ASAP1: variants seen among roughly 807,000 people sequenced by gnomAD.
The protein encoded by ASAP1 is ArfGAP with SH3 domain, ankyrin repeat and PH domain 1.
ASAP1 carries 43 observed loss-of-function variants against 145.2 expected under a neutral mutation model. The ratio of observed to expected loss-of-function variants is 0.30; its 90% CI spans 0.23 to 0.38. ASAP1 has a LOEUF of 0.38. Ranked by LOEUF, ASAP1 falls within the 10% of genes least tolerant of loss-of-function variation. ASAP1 has a pLI of 1.00. For missense variants in ASAP1, 1,018 were observed against 1,355.3 expected (o/e 0.75, Z 3.91); for synonymous variants, 546 against 515.5 (o/e 1.06, Z -0.80).
chr8:130,171,846 G>A (rs1041108638), intron 9 of ASAP1, among the ~76,000 whole-genome samples: 3 of 152,178 alleles, frequency 2.0e-5, no homozygotes, highest in African/African-American at 7.2e-5. Context: ...TCTACATCAA[G>A]GAAGGGATAT....
At chr8:130,329,974 G>A (rs750592277) in intron 3 of ASAP1, among the ~76,000 whole-genome samples, 1 of 152,188 alleles carries the variant, frequency 6.6e-6, no homozygotes, top group Admixed American at 6.5e-5. Flanking sequence ...ACAAAGGGAG[G>A]GATGTTTGAT....
At chr8:130,177,335 T>TA (rs1288460480) in intron 9 of ASAP1, among the ~76,000 whole-genome samples, 2 of 152,242 alleles carry the variant, frequency 1.3e-5, no homozygotes, top group African/African-American at 2.4e-5. Flanking sequence ...CTTATAAACT[T>TA]AGAGAATTTA....
chr8:130,342,145 T>C (rs1825425695), intron 3 of ASAP1, among the ~76,000 whole-genome samples: 1 of 152,038 alleles, frequency 6.6e-6, no homozygotes, highest in African/African-American at 2.4e-5. Context: ...AAAGAGAATG[T>C]CCTGAGACCC....
Position 130,079,567 on chromosome 8 carries a change from G to A in ASAP1, c.2642+335C>T, listed in dbSNP as rs577642814. Among the ~76,000 whole-genome samples, 11 of 152,230 alleles carry A rather than the reference G, an allele frequency of 7.2e-5. No individual in the cohort carries two copies. The South Asian group carries it at 8.3e-4, about 11-fold the overall frequency. ...AAGTGGAAAAGTAACAAAGTTACTT[G>A]ATTAAAATATCAAAAATAAAAACTC... On this transcript the variant is annotated intron_variant, in intron 26 of 29. Transcript: ENST00000518721.
rs2097560283 is a variant in ASAP1, at chr8:130,118,591, T to C, written c.1692A>G (p.Leu564=). ...ATTTGATGGCCTCAAGCAATTCATTTAGTTTAGCTGATGAAGTTGAACAGG... is the reference window on the plus strand; with the variant it reads ...ATTTGATGGCCTCAAGCAATTCATTCAGTTTAGCTGATGAAGTTGAACAGG... ...RKTCSTSSAK[L]NELLEAIKSR... The change falls in exon 19 of 30, where the codon CTA becomes CTG. Residue 564 remains leucine (L), a synonymous_variant. Coordinates refer to ENST00000518721, the MANE Select transcript of ASAP1 (RefSeq NM_018482.4). The C allele has an allele frequency of 1.9e-6, 3 of 1,613,984 alleles. No homozygotes were observed. Among genetic ancestry groups the C allele is most frequent in the Non-Finnish European group, 2.5e-6 (3 of 1,179,952 alleles).
rs1826556363 is a variant in ASAP1 at position 130,358,970 on chromosome 8, C to A, written c.60-827G>T. 6.6e-6 allele frequency among the ~76,000 whole-genome samples: 1 copy of A among 151,954 alleles called. No individual in the cohort carries two copies. The highest frequency in any genetic ancestry group is 2.4e-5 in the African/African-American group (1 of 41,398). ...CGCGTGTGGGTGCAGGAAGTGAGGC[C>A]CCGGGAGAGCCGCCTTCTACTGCGA... On this transcript the variant is annotated intron_variant, in intron 2 of 29. Coordinates refer to ENST00000518721, the MANE Select transcript of ASAP1 (RefSeq NM_018482.4). The surrounding 1 kb of genome is among the most constrained non-coding windows in gnomAD (Gnocchi z 4.1).
At chr8:130,176,878 CG>C (rs1381165627) in intron 9 of ASAP1, among the ~76,000 whole-genome samples, 1 of 151,954 alleles carries the variant, frequency 6.6e-6, no homozygotes, top group Non-Finnish European at 1.5e-5. Context: ...TTAGTAGAAA[CG>C]GGGTTTTGCC....
Position 130,358,820 on chromosome 8 carries a change from G to C in ASAP1, c.60-677C>G, listed in dbSNP as rs1457702653. 6.6e-6 allele frequency among the ~76,000 whole-genome samples: 1 copy of C among 151,088 alleles called. No individual in the cohort carries two copies. The highest frequency in any genetic ancestry group is 2.4e-5 in the African/African-American group (1 of 41,176). Reference sequence around the variant, plus strand: ...AGCTGCCGCTCCCGACCCCGGCTGCGCGGCACGGGGGCTCCGGAAGCCCGA... The same window carrying C: ...AGCTGCCGCTCCCGACCCCGGCTGCCCGGCACGGGGGCTCCGGAAGCCCGA... On this transcript the variant is annotated intron_variant, in intron 2 of 29. Transcript: ENST00000518721. This position sits in a 1 kb window ranked among gnomAD's most constrained non-coding sequence, Gnocchi z 4.1.
chr8:130,226,676 C>T (rs1817607170), intron 4 of ASAP1, among the ~76,000 whole-genome samples: 1 of 152,168 alleles, frequency 6.6e-6, no homozygotes, highest in Non-Finnish European at 1.5e-5. Context: ...GCAGCACTGA[C>T]AAATCCATTA....
In ASAP1 at chr8:130,236,975, G is replaced by A. The variant is rs1818251237; in HGVS notation, c.206C>T (p.Thr69Ile). 2 of 1,604,264 alleles carry A rather than the reference G, an allele frequency of 1.2e-6. No homozygotes were observed. The highest frequency in any genetic ancestry group is 1.7e-6 in the Non-Finnish European group (2 of 1,175,204). Residue 69 changes from threonine (T) to isoleucine (I), a missense_variant, in exon 4 of 30, where the codon ACA (threonine) becomes ATA (isoleucine). Thr to Ile is a moderately conservative substitution (Grantham distance 89). This residue lies in a region of ASAP1 where 106 missense variants were observed against 134.5 expected (regional missense o/e 0.79). Coordinates refer to ENST00000518721, the MANE Select transcript of ASAP1 (RefSeq NM_018482.4). ...LLEEALDQDR[T>I]ALQKVKKSVK... ...AGACTTCTTCACTTTCTGAAGGGCT[G>A]TTCTATCTTGGTCTAGAGCCTAAAA...
intron 3 of ASAP1, among the ~76,000 whole-genome samples, chr8:130,258,204 G>A (rs921597764): frequency 6.6e-6 from 1 of 152,086 alleles, no homozygotes; most frequent in Non-Finnish European, 1.5e-5. Context: ...AGACGTTAGG[G>A]CACGTTTAGA....
intron 2 of ASAP1, among the ~76,000 whole-genome samples, chr8:130,379,573 G>A (rs1450096299): frequency 2.0e-5 from 3 of 152,152 alleles, no homozygotes; most frequent in Non-Finnish European, 4.4e-5. Flanking sequence ...AGACAGTTAG[G>A]GTCAGAATTA....
At chr8:130,129,432 T>C (rs2097579975) in intron 15 of ASAP1, among the ~76,000 whole-genome samples, 1 of 152,190 alleles carries the variant, frequency 6.6e-6, no homozygotes. Flanking sequence ...TTTCTATAAT[T>C]TTTCAAAACT....
intron 12 of ASAP1, among the ~76,000 whole-genome samples, chr8:130,156,595 G>C (rs2097658692): frequency 6.6e-6 from 1 of 152,256 alleles, no homozygotes. Flanking sequence ...ATTTGTGCCA[G>C]TTTATGCCTT....
chr8:130,147,705 T>C (rs1447635435), intron 13 of ASAP1, among the ~76,000 whole-genome samples: 1 of 152,256 alleles, frequency 6.6e-6, no homozygotes, highest in Non-Finnish European at 1.5e-5. Flanking sequence ...GGGCATTTAC[T>C]GCAGATGGAC....
chr8:130,062,861 C>G (rs1234919655), intron 27 of ASAP1, among the ~76,000 whole-genome samples: 1 of 152,126 alleles, frequency 6.6e-6, no homozygotes, highest in Admixed American at 6.5e-5. Context: ...GCAGTCCTAG[C>G]TACTCGGGAG....
At chr8:130,152,923 A>AC (rs572959936) in intron 12 of ASAP1, 118 bp from the exon 13 acceptor site, 47 of 677,096 alleles carry the variant, frequency 6.9e-5, no homozygotes, top group African/African-American at 2.4e-4. Context: ...AAAAAATCCA[A>AC]CCCCCCCAAA....
intron 2 of ASAP1, among the ~76,000 whole-genome samples, chr8:130,377,572 A>G (rs530437441): frequency 6.6e-6 from 1 of 152,286 alleles, no homozygotes; most frequent in Non-Finnish European, 1.5e-5. Flanking sequence ...CAAGGAGCCT[A>G]TGGTCAATCA....
intron 3 of ASAP1, among the ~76,000 whole-genome samples, chr8:130,239,099 T>C (rs563175455): frequency 3.9e-5 from 6 of 152,232 alleles, no homozygotes; most frequent in African/African-American, 7.2e-5. Flanking sequence ...AAAATTACAA[T>C]GTACCTCTAC....
Sources: allele counts gnomAD v4.1 joint callset (sites outside exome capture counted in the v4.1 genomes callset), GRCh38; gene constraint gnomAD v4.1.1; regional missense constraint gnomAD v4.1.1; non-coding constraint Gnocchi (gnomAD v3.1); transcripts MANE v1.5; gene names NCBI Gene and HGNC (gene_info 2026-07-23, HGNC 2026-07-21).